The following HIKESHI variants were observed in gnomAD, a reference collection of about 807,000 sequenced individuals.
HIKESHI encodes the protein heat shock protein nuclear import factor hikeshi.
HIKESHI carries 13 observed loss-of-function variants against 25.7 expected under a neutral mutation model. The ratio of observed to expected loss-of-function variants is 0.51; its 90% confidence interval spans 0.33 to 0.80. The LOEUF (loss-of-function observed/expected upper bound fraction) is 0.80. Ranked by LOEUF, HIKESHI falls within the 30% of genes least tolerant of loss-of-function variation. HIKESHI has a pLI of 0.02. For missense variants in HIKESHI, 174 were observed against 229.5 expected, an observed-to-expected ratio of 0.76 and a Z score of 1.56; for synonymous variants, 76 against 78.7, an observed-to-expected ratio of 0.97 and a Z score of 0.18.
At chr11:86,314,442 C>T (rs1170317768) in intron 2 of HIKESHI, among the ~76,000 whole-genome samples, 1 of 151,996 alleles carries the variant, frequency 6.6e-6, no homozygotes, top group Non-Finnish European at 1.5e-5. Context: ...TGGTGGAACC[C>T]CCTGTATAGT....
Position 86,321,535 on chromosome 11 carries a change from A to ATT in HIKESHI, c.268+15064_268+15065dup, listed in dbSNP as rs35862030. Among the ~76,000 whole-genome samples the ATT allele has an allele frequency of 6.1e-5, 9 of 146,772 alleles. No individual in the cohort carries two copies. The South Asian group carries it at 1.1e-3, about 17-fold the overall frequency. On this transcript the variant is annotated intron_variant, in intron 2 of 4. Coordinates refer to ENST00000278483, the MANE Select transcript of HIKESHI (RefSeq NM_016401.4). ...TTCCAACATGGTTGTTTTGTTTTAC[A>ATT]TTTTTTTTTTTTGAGACCACGTGTC... is the stretch of plus-strand genomic sequence containing the variant.
chr11:86,312,448 G>A lies in HIKESHI; in HGVS notation c.268+5966G>A, dbSNP rs548543631. On this transcript the variant is annotated intron_variant, in intron 2 of 4. Coordinates refer to ENST00000278483, the MANE Select transcript of HIKESHI (RefSeq NM_016401.4). ...CTCCATCCCTTTATTTTGAGCCTAT[G>A]TGTGTCTGCACGTGAGATGGGTCTC... is the stretch of plus-strand genomic sequence containing the variant. 6.4e-4 allele frequency among the ~76,000 whole-genome samples: 98 copies of A among 152,202 alleles called. 1 individual carries two copies. Among genetic ancestry groups the A allele is most frequent in the African/African-American group, 2.3e-3 (95 of 41,526 alleles).
At chr11:86,313,183 A>C (rs982524354) in intron 2 of HIKESHI, among the ~76,000 whole-genome samples, 57 of 152,324 alleles carry the variant, frequency 3.7e-4, no homozygotes, top group Admixed American at 3.2e-3. Context: ...GGTTCCCTTG[A>C]AAATCTAGAT....
chr11:86,307,354 ATATT>A lies in HIKESHI; in HGVS notation c.268+873_268+876del, dbSNP rs1436346866. 1.0e-3 allele frequency among the ~76,000 whole-genome samples: 92 copies of A among 89,222 alleles called. 15 individuals carry two copies. Among genetic ancestry groups the A allele is most frequent in the African/African-American group, 3.6e-3 (90 of 24,980 alleles). 58.5% of individuals were successfully genotyped at this position (89,222 alleles called of 152,430 possible). On this transcript the variant is annotated intron_variant, in intron 2 of 4. Transcript: ENST00000278483. The stretch of plus-strand genomic sequence containing the variant: ...GTAATATACATTATATATCAAATAT[ATATT>A]ATGTGTAATATACATTATATATCAA...
chr11:86,340,142 G>T (rs1391803716), intron 3 of HIKESHI, among the ~76,000 whole-genome samples: 2 of 152,262 alleles, frequency 1.3e-5, no homozygotes, highest in Middle Eastern at 3.4e-3. Context: ...TCTTAATCCA[G>T]TCTATCATTG....
In HIKESHI at chr11:86,306,243, A is replaced by G; in HGVS notation, c.31-2A>G. The G allele has an allele frequency of 6.2e-7, 1 of 1,601,918 alleles. No homozygotes were observed. On this transcript the variant is annotated splice_acceptor_variant, in intron 1 of 4. Transcript: ENST00000278483. LOFTEE classifies it high-confidence loss of function. ...AACTGAGACAAGTTTCTTATTTTCT[A>G]GGTGCAAACAGCTGCACAGCAAGTG...
At chr11:86,306,868 T>C (rs1294917723) in intron 2 of HIKESHI, among the ~76,000 whole-genome samples, 14 of 151,106 alleles carry the variant, frequency 9.3e-5, no homozygotes, top group Admixed American at 9.2e-4. Flanking sequence ...GGCGTGGTGG[T>C]GGGCGCCTGT....
intron 2 of HIKESHI, among the ~76,000 whole-genome samples, chr11:86,314,230 C>T (rs1946911497): frequency 6.6e-6 from 1 of 152,080 alleles, no homozygotes; most frequent in African/African-American, 2.4e-5. Flanking sequence ...TTTTATTTTG[C>T]TCTGAGGCGT....
intron 2 of HIKESHI, among the ~76,000 whole-genome samples, chr11:86,318,887 G>A (rs1202200233): frequency 6.6e-6 from 1 of 152,044 alleles, no homozygotes; most frequent in African/African-American, 2.4e-5. Context: ...TAAAAAAACT[G>A]TAATACTGTT....
chr11:86,305,504 A>T (rs1380085827), intron 1 of HIKESHI, among the ~76,000 whole-genome samples: 1 of 151,782 alleles, frequency 6.6e-6, no homozygotes, highest in Non-Finnish European at 1.5e-5. Flanking sequence ...CTCCTACCTT[A>T]GCCTCCCGAG....
At chr11:86,311,938 T>A (rs1202921177) in intron 2 of HIKESHI, among the ~76,000 whole-genome samples, 1 of 152,130 alleles carries the variant, frequency 6.6e-6, no homozygotes, top group Non-Finnish European at 1.5e-5. Context: ...TTTGTTATAA[T>A]TTTTTTTCTT....
chr11:86,345,398 ATATTTAAATTCC>A, intron 4 of HIKESHI, 174 bp from the exon 5 acceptor site: 1 of 481,050 alleles, frequency 2.1e-6, no homozygotes, highest in East Asian at 3.7e-5. Flanking sequence ...AACTGCCCCG[ATATTTAAATTCC>A]TATGCTTGCT....
At chr11:86,307,306 C>T (rs952941974) in intron 2 of HIKESHI, among the ~76,000 whole-genome samples, 3 of 79,060 alleles carry the variant, frequency 3.8e-5, no homozygotes, top group Admixed American at 1.8e-4. Context: ...TAATATACAT[C>T]ATATATCAAA....
At chr11:86,319,242 A>ATTTTTTTTTTTTTT (rs1218981419) in intron 2 of HIKESHI, among the ~76,000 whole-genome samples, 1 of 94,952 alleles carries the variant, frequency 1.1e-5, no homozygotes, top group Non-Finnish European at 1.9e-5. Flanking sequence ...ATATATATAT[A>ATTTTTTTTTTTTTT]TTTTTTTTTT....
At chr11:86,307,170 C>T (rs1946653028) in intron 2 of HIKESHI, among the ~76,000 whole-genome samples, 2 of 93,732 alleles carry the variant, frequency 2.1e-5, no homozygotes, top group Non-Finnish European at 4.0e-5. Flanking sequence ...TAATATACAT[C>T]ATATATCAAA....
Position 86,302,357 on chromosome 11 carries a change from T to G in HIKESHI, c.-92T>G. On this transcript the variant is annotated 5_prime_UTR_variant, in exon 1 of 5. Transcript: ENST00000278483. ...GGGGCAGACACCCTCCCGCAAATTC[T>G]GGAAGGTTCTTAGTCTCGACTAGGG... The G allele has an allele frequency of 6.7e-7, 1 of 1,497,672 alleles. No homozygotes were observed. The highest frequency in any genetic ancestry group is 9.1e-7 in the Non-Finnish European group (1 of 1,102,494). 92.8% of individuals were successfully genotyped at this position (1,497,672 alleles called of 1,614,324 possible). A position where few individuals can be genotyped will look rare whatever the true frequency, so the allele number is the denominator to read the frequency against.
At position 86,318,109 on chromosome 11, in the gene HIKESHI, C is replaced by T. The variant is rs562057296; in HGVS notation, c.268+11627C>T. ...CACGAGGTCAGGAGATCAAGACCAT[C>T]CTGGCTAACACGTTGAAACCCCATC... On this transcript the variant is annotated intron_variant, in intron 2 of 4. Transcript: ENST00000278483. Among the ~76,000 whole-genome samples the T allele has an allele frequency of 2.2e-4, 33 of 151,706 alleles. 1 individual carries two copies. The South Asian group carries it at 3.6e-3, about 16-fold the overall frequency.
chr11:86,330,668 C>G (rs1046020231), intron 2 of HIKESHI, among the ~76,000 whole-genome samples: 13 of 152,216 alleles, frequency 8.5e-5, no homozygotes, highest in Non-Finnish European at 1.9e-4. Context: ...AGTTCTTTGA[C>G]TAGCCTTAGC....
intron 1 of HIKESHI, 113 bp downstream of exon 1, chr11:86,302,591 T>C (rs1946525563): frequency 7.8e-7 from 1 of 1,282,596 alleles, no homozygotes; most frequent in Admixed American, 2.2e-5. Context: ...TTATTATATT[T>C]TGGGTGGGTA....
Sources: gnomAD v4.1 joint callset for allele counts (sites outside exome capture counted in the v4.1 genomes callset) on GRCh38, gnomAD v4.1.1 for gene constraint, MANE v1.5 for transcripts, NCBI Gene and HGNC (gene_info 2026-07-23, HGNC 2026-07-21) for gene names.